TRAPPC10: variants seen among roughly 807,000 people sequenced by gnomAD.
TRAPPC10 encodes TRAPP 130 kDa subunit.
A neutral mutation model predicts 125.5 loss-of-function variants in TRAPPC10; 23 were observed. That is an observed-to-expected ratio of 0.18 (90% CI 0.13 to 0.26). TRAPPC10 has a LOEUF of 0.26. TRAPPC10 is among the 10% of genes least tolerant of loss of function. The probability of loss-of-function intolerance (pLI) is 1.00; values close to 1 mark genes in which losing one functional copy is unlikely to be tolerated. For missense variants in TRAPPC10, 1,123 were observed against 1,308.4 expected, an observed-to-expected ratio of 0.86 and a Z score of 2.19; for synonymous variants, 509 against 518.0, an observed-to-expected ratio of 0.98 and a Z score of 0.24.
chr21:44,092,331 G>A (rs1043845983), intron 19 of TRAPPC10, among the ~76,000 whole-genome samples: 9 of 152,288 alleles, frequency 5.9e-5, no homozygotes, highest in African/African-American at 2.2e-4. Flanking sequence ...CTGTTTGAAC[G>A]CACTGTTGAT....
rs368509295 is a variant in TRAPPC10, at chr21:44,086,785, G to T, written c.2381-17G>T. On this transcript the variant is annotated splice_polypyrimidine_tract_variant and intron_variant, in intron 15 of 22. Coordinates refer to ENST00000291574, the MANE Select transcript of TRAPPC10 (RefSeq NM_003274.5). The stretch of plus-strand genomic sequence containing the variant: ...CCGGTTGGCAGCGGTGCTGAGCCAC[G>T]ATCTCTTTTCCTTTAGATAGCCTTC... The T allele has an allele frequency of 2.5e-6, 4 of 1,612,980 alleles. No individual in the cohort carries two copies. In the African/African-American group the frequency reaches 4.0e-5, roughly 16 times the overall value.
In TRAPPC10 at chr21:44,084,105, T is replaced by C; in HGVS notation, c.2239-17T>C. On this transcript the variant is annotated splice_polypyrimidine_tract_variant and intron_variant, in intron 14 of 22. Transcript: ENST00000291574. ...ACTGGGTGACGTGGTTTCAAATGCC[T>C]GATTCTTTGACTCTAGGCCAAGGAA... The C allele has an allele frequency of 1.9e-6, 3 of 1,613,264 alleles. No homozygotes were observed. Among genetic ancestry groups the C allele is most frequent in the Non-Finnish European group, 2.5e-6 (3 of 1,179,716 alleles).
At chr21:44,040,470 T>C (rs2034333344) in intron 3 of TRAPPC10, among the ~76,000 whole-genome samples, 1 of 151,964 alleles carries the variant, frequency 6.6e-6, no homozygotes, top group Non-Finnish European at 1.5e-5. Context: ...AGCCTCTTGA[T>C]TGAGTTGAGA....
At chr21:44,018,897 C>CA (rs2032182007) in intron 1 of TRAPPC10, among the ~76,000 whole-genome samples, 1 of 152,112 alleles carries the variant, frequency 6.6e-6, no homozygotes, top group African/African-American at 2.4e-5. Context: ...TGCCAGTTGA[C>CA]AGAGTGTCTT....
At chr21:44,030,366 CT>C (rs2033468923) in intron 1 of TRAPPC10, among the ~76,000 whole-genome samples, 1 of 152,110 alleles carries the variant, frequency 6.6e-6, no homozygotes, top group South Asian at 2.1e-4. Flanking sequence ...ATACATTAAT[CT>C]TGGAACTGTT....
intron 15 of TRAPPC10, among the ~76,000 whole-genome samples, chr21:44,086,299 C>A (rs2038126922): frequency 6.6e-6 from 1 of 152,242 alleles, no homozygotes; most frequent in Non-Finnish European, 1.5e-5. Context: ...CTCACTCCTG[C>A]CTCTCATTGC....
chr21:44,088,226 T>C (rs1181186259), intron 17 of TRAPPC10: 1 of 432,406 alleles, frequency 2.3e-6, no homozygotes, highest in Non-Finnish European at 4.3e-6. Context: ...ACTTGGGTCA[T>C]GTCCATTAGA....
intron 1 of TRAPPC10, among the ~76,000 whole-genome samples, chr21:44,017,250 C>T (rs1019432792): frequency 6.6e-6 from 1 of 152,176 alleles, no homozygotes; most frequent in Non-Finnish European, 1.5e-5. Flanking sequence ...CTTACTATGT[C>T]ATTTCTACCC....
chr21:44,088,596 A>G (rs1411106506), intron 17 of TRAPPC10: 1 of 155,480 alleles, frequency 6.4e-6, no homozygotes, highest in Non-Finnish European at 1.4e-5. Flanking sequence ...CTGAAGACGA[A>G]TGTTGTAATG....
At chr21:44,050,978 C>T (rs574205304) in intron 3 of TRAPPC10, among the ~76,000 whole-genome samples, 45 of 152,290 alleles carry the variant, frequency 3.0e-4, no homozygotes, top group Non-Finnish European at 5.4e-4. Flanking sequence ...GATCTTGACT[C>T]ACTACAACCT....
chr21:44,012,589 G>A, intron 1 of TRAPPC10, 29 bp downstream of exon 1: 1 of 1,524,546 alleles, frequency 6.6e-7, no homozygotes, highest in Non-Finnish European at 8.8e-7. Context: ...GGAGGGCGCG[G>A]CGGTCGTTGG....
chr21:44,036,311 C>T (rs893854839), intron 2 of TRAPPC10, among the ~76,000 whole-genome samples: 1 of 152,186 alleles, frequency 6.6e-6, no homozygotes, highest in Non-Finnish European at 1.5e-5. Flanking sequence ...GGGAAAGTAC[C>T]CCAGACCCTA....
chr21:44,074,860 C>G (rs1211158595), intron 8 of TRAPPC10, among the ~76,000 whole-genome samples, 179 bp from the exon 9 acceptor site: 7 of 152,230 alleles, frequency 4.6e-5, no homozygotes, highest in Non-Finnish European at 8.8e-5. Context: ...TTCCCACCCT[C>G]CAAGCCTCAC....
At chr21:44,076,890 G>C (rs2037324264) in intron 10 of TRAPPC10, among the ~76,000 whole-genome samples, 1 of 152,184 alleles carries the variant, frequency 6.6e-6, no homozygotes, top group Non-Finnish European at 1.5e-5. Context: ...TGCTCACACA[G>C]AAATTATAAG....
chr21:44,077,580 G>C, intron 10 of TRAPPC10, 113 bp from the exon 11 acceptor site: 1 of 787,912 alleles, frequency 1.3e-6, no homozygotes, highest in East Asian at 2.9e-5. Flanking sequence ...GCAAGACTCT[G>C]TCTCAAAACA....
At chr21:44,095,896 C>T (rs1340753466) in intron 20 of TRAPPC10, among the ~76,000 whole-genome samples, 2 of 150,216 alleles carry the variant, frequency 1.3e-5, no homozygotes, top group Non-Finnish European at 3.0e-5. Flanking sequence ...GTTGCTGTAT[C>T]TATTCAATTC....
At position 44,053,250 on chromosome 21, in the gene TRAPPC10, A is replaced by G. The variant is rs1362381868; in HGVS notation, c.482+774A>G. ...GGTAATGAGCAAAAAGAAAATGGATATTAACTCTTAGTATTTTGGTATGTA... is the reference window on the plus strand; with the variant it reads ...GGTAATGAGCAAAAAGAAAATGGATGTTAACTCTTAGTATTTTGGTATGTA... On this transcript the variant is annotated intron_variant, in intron 4 of 22. Transcript: ENST00000291574. 5.3e-5 allele frequency among the ~76,000 whole-genome samples: 8 copies of G among 152,170 alleles called. No homozygotes were observed. In the South Asian group the frequency reaches 1.2e-3, roughly 24 times the overall value.
At chr21:44,013,067 T>C (rs1310700112) in intron 1 of TRAPPC10, among the ~76,000 whole-genome samples, 2 of 152,208 alleles carry the variant, frequency 1.3e-5, no homozygotes, top group Non-Finnish European at 2.9e-5. Flanking sequence ...CCGCCGGGAC[T>C]GCTTTCGCTC....
intron 1 of TRAPPC10, among the ~76,000 whole-genome samples, chr21:44,030,534 C>T (rs2033485516): frequency 6.6e-6 from 1 of 151,808 alleles, no homozygotes; most frequent in African/African-American, 2.4e-5. Context: ...ATGGTGCAAT[C>T]TTGGCTCACT....
Sources: gnomAD v4.1 joint callset for allele counts (sites outside exome capture counted in the v4.1 genomes callset) on GRCh38, gnomAD v4.1.1 for gene constraint, MANE v1.5 for transcripts, NCBI Gene and HGNC (gene_info 2026-07-23, HGNC 2026-07-21) for gene names.